Variants in VRK2 observed in about 807,000 individuals in gnomAD.
VRK2 encodes the protein serine/threonine-protein kinase VRK2.
A neutral mutation model predicts 57.6 loss-of-function variants in VRK2; 60 were observed. The ratio of observed to expected loss-of-function variants is 1.04; its 90% CI spans 0.85 to 1.29. The LOEUF (loss-of-function observed/expected upper bound fraction) is 1.29. Among genes scored for constraint, VRK2 ranks in the 50% most tolerant of loss-of-function variants. The probability of loss-of-function intolerance (pLI) is 0.00; values close to 1 mark genes in which losing one functional copy is unlikely to be tolerated. For missense variants in VRK2, 705 were observed against 588.1 expected (o/e 1.20, Z -2.06); for synonymous variants, 231 against 199.2 (o/e 1.16, Z -1.35).
intron 12 of VRK2, among the ~76,000 whole-genome samples, chr2:58,155,873 T>G (rs1001343833): frequency 1.1e-4 from 16 of 151,348 alleles, no homozygotes; most frequent in Non-Finnish European, 2.1e-4. Context: ...CCTGTAGACC[T>G]GTCCTCCCCC....
At chr2:57,987,493 A>C (rs1489461345) in intron 1 of VRK2, among the ~76,000 whole-genome samples, 2 of 152,158 alleles carry the variant, frequency 1.3e-5, no homozygotes, top group African/African-American at 4.8e-5. Context: ...AAAAAAATAA[A>C]CTGACATTAC....
chr2:58,144,585 A>C (rs1681836957), intron 11 of VRK2, among the ~76,000 whole-genome samples: 1 of 151,982 alleles, frequency 6.6e-6, no homozygotes. Context: ...TTTCACAAGA[A>C]TTGGTAAGCC....
At chr2:58,009,464 T>C (rs1343294088) in intron 1 of VRK2, among the ~76,000 whole-genome samples, 1 of 151,024 alleles carries the variant, frequency 6.6e-6, no homozygotes, top group Non-Finnish European at 1.5e-5. Context: ...ATCTGTATAG[T>C]AAATTTTAAT....
intron 2 of VRK2, among the ~76,000 whole-genome samples, chr2:58,051,968 A>T (rs996190565): frequency 6.6e-6 from 1 of 152,246 alleles, no homozygotes; most frequent in Admixed American, 6.5e-5. Flanking sequence ...AATTGCTGTC[A>T]TTTTAGTATC....
chr2:57,935,459 G>A (rs1232278875), intron 1 of VRK2, among the ~76,000 whole-genome samples: 1 of 152,090 alleles, frequency 6.6e-6, no homozygotes. Context: ...TTACAATTCA[G>A]TAGGGTCAAA....
At chr2:57,922,065 A>G (rs1022685832) in intron 1 of VRK2, among the ~76,000 whole-genome samples, 2 of 152,006 alleles carry the variant, frequency 1.3e-5, no homozygotes, top group Non-Finnish European at 2.9e-5. Context: ...TCTTATATAC[A>G]ATACAACCCA....
At chr2:57,939,381 T>C (rs1671019890) in intron 1 of VRK2, among the ~76,000 whole-genome samples, 1 of 152,190 alleles carries the variant, frequency 6.6e-6, no homozygotes, top group Non-Finnish European at 1.5e-5. Context: ...TTCATTTTTT[T>C]CTTCAGTGAT....
chr2:58,050,967 C>T (rs1675637498), intron 2 of VRK2, among the ~76,000 whole-genome samples: 1 of 152,120 alleles, frequency 6.6e-6, no homozygotes, highest in South Asian at 2.1e-4. Context: ...GCCTCAACCT[C>T]CCAAGCATCT....
Position 57,961,401 on chromosome 2 carries a change from G to T in VRK2, c.-439+53562G>T, listed in dbSNP as rs370454733. Among the ~76,000 whole-genome samples, 6 of 152,222 alleles carry T rather than the reference G, an allele frequency of 3.9e-5. No individual in the cohort carries two copies. In the East Asian group the frequency reaches 9.6e-4, roughly 24 times the overall value. ...TTGTGATTGAAAAAAGCGAGAACAG[G>T]ATGATGAGACAAGACAATAAGTCAC... On this transcript the variant is annotated intron_variant, in intron 1 of 15. Transcript: ENST00000417641.
intron 1 of VRK2, among the ~76,000 whole-genome samples, chr2:57,997,068 A>T (rs148289056): frequency 2.2e-4 from 33 of 152,278 alleles, no homozygotes; most frequent in Admixed American, 5.2e-4. Flanking sequence ...CAAAAACCAG[A>T]CAAGAAATTC....
intron 1 of VRK2, among the ~76,000 whole-genome samples, chr2:57,984,289 C>T (rs1294269119): frequency 1.3e-5 from 2 of 151,484 alleles, no homozygotes; most frequent in African/African-American, 4.9e-5. Context: ...AAAAAGCAAA[C>T]AACAATAAAA....
At chr2:58,074,875 C>T (rs563490627) in intron 2 of VRK2, among the ~76,000 whole-genome samples, 228 of 152,082 alleles carry the variant, frequency 1.5e-3, no homozygotes, top group African/African-American at 5.0e-3. Context: ...ACTAAATCTG[C>T]TTTTTATTTT....
upstream of VRK2, chr2:58,046,374 C>G (rs545907508): frequency 5.8e-6 from 3 of 515,692 alleles, no homozygotes; most frequent in East Asian, 3.0e-4. Context: ...TACATACAGG[C>G]CCTCCTAACT....
intron 7 of VRK2, among the ~76,000 whole-genome samples, chr2:58,097,718 T>A (rs189822897): frequency 2.6e-4 from 40 of 152,278 alleles, no homozygotes; most frequent in African/African-American, 9.4e-4. Context: ...ACATTACTCA[T>A]GTGTTTGCAG....
intron 2 of VRK2, among the ~76,000 whole-genome samples, chr2:58,030,975 G>C (rs1011689826): frequency 1.3e-5 from 2 of 152,016 alleles, no homozygotes; most frequent in Non-Finnish European, 2.9e-5. Context: ...GTCCAAACAT[G>C]TGACTGATCA....
At chr2:58,122,026 C>A (rs558092130) in intron 7 of VRK2, among the ~76,000 whole-genome samples, 6 of 152,288 alleles carry the variant, frequency 3.9e-5, no homozygotes, top group Non-Finnish European at 8.8e-5. Context: ...TTTTAACAAT[C>A]TGTATTCTGT....
At chr2:58,153,105 A>T (rs1683300626) in intron 12 of VRK2, among the ~76,000 whole-genome samples, 1 of 152,020 alleles carries the variant, frequency 6.6e-6, no homozygotes, top group Non-Finnish European at 1.5e-5. Context: ...TTTATTCTGC[A>T]TCACTGTAAT....
chr2:58,048,639 TTGTAA>T (rs1470905219), intron 1 of VRK2, 183 bp from the exon 2 acceptor site: 4 of 1,497,840 alleles, frequency 2.7e-6, no homozygotes, highest in African/African-American at 1.4e-5. Context: ...GATCTCAGTA[TTGTAA>T]TGTATGTGAA....
intron 12 of VRK2, among the ~76,000 whole-genome samples, chr2:58,159,051 C>G: frequency 6.6e-6 from 1 of 152,070 alleles, no homozygotes; most frequent in Non-Finnish European, 1.5e-5. Context: ...CAAGAAAATT[C>G]AGTTTTCATA....
Sources: gnomAD v4.1 joint callset for allele counts (sites outside exome capture counted in the v4.1 genomes callset) on GRCh38, gnomAD v4.1.1 for gene constraint, MANE v1.5 for transcripts, NCBI Gene and HGNC (gene_info 2026-07-23, HGNC 2026-07-21) for gene names.